STON2: variants seen among roughly 807,000 people sequenced by gnomAD.
STON2 encodes the protein stonin-2.
A neutral mutation model predicts 65.7 loss-of-function variants in STON2; 29 were observed. The ratio of observed to expected loss-of-function variants is 0.44; its 90% CI spans 0.33 to 0.60. The LOEUF is 0.60. STON2 is among the 20% of genes least tolerant of loss of function. The pLI is 0.03. For synonymous variants in STON2, 404 were observed against 414.2 expected, an observed-to-expected ratio of 0.98 and a Z score of 0.30; for missense variants, 1,054 against 1,118.1, an observed-to-expected ratio of 0.94 and a Z score of 0.82.
chr14:81,294,886 A>G (rs1430207027), intron 5 of STON2, among the ~76,000 whole-genome samples: 1 of 152,238 alleles, frequency 6.6e-6, no homozygotes, highest in Non-Finnish European at 1.5e-5. Flanking sequence ...ACATGCTTCT[A>G]AACATTCAAA....
intron 6 of STON2, among the ~76,000 whole-genome samples, chr14:81,273,636 G>C (rs1894687865): frequency 6.6e-6 from 1 of 152,136 alleles, no homozygotes; most frequent in Non-Finnish European, 1.5e-5. Flanking sequence ...GCCAGGCTGG[G>C]CTGGGCCCCG....
chr14:81,411,808 G>A (rs1309969453), intron 2 of STON2, among the ~76,000 whole-genome samples: 1 of 152,178 alleles, frequency 6.6e-6, no homozygotes, highest in Non-Finnish European at 1.5e-5. Context: ...GAGGGAAAAG[G>A]AAGTATGAAA....
rs79048575 is a variant in STON2 at position 81,414,262 on chromosome 14, G to A, written c.-199+12840C>T. ...AAGAGAGATGTCAACTAGGCACTTG[G>A]ACTTTTGAGTTTGAAGCTTGAGGCC... On this transcript the variant is annotated intron_variant, in intron 2 of 8. Coordinates refer to the STON2 transcript ENST00000553821. Among the ~76,000 whole-genome samples, 285 of 98,306 alleles carry A rather than the reference G, an allele frequency of 2.9e-3. 72 individuals are homozygous for A. The highest frequency in any genetic ancestry group is 0.016 in the African/African-American group (277 of 17,118). 64.5% of individuals were successfully genotyped at this position (98,306 alleles called of 152,430 possible).
At chr14:81,374,899 G>A (rs1566933234) in intron 3 of STON2, among the ~76,000 whole-genome samples, 1 of 152,014 alleles carries the variant, frequency 6.6e-6, no homozygotes, top group Non-Finnish European at 1.5e-5. Flanking sequence ...ATCTCAAGCA[G>A]GGTAACTAAA....
intron 7 of STON2, chr14:81,269,451 G>A (rs765227227): frequency 6.2e-5 from 61 of 985,282 alleles, no homozygotes; most frequent in African/African-American, 4.0e-4. Flanking sequence ...CATCTCAACC[G>A]AAATCTTTGA....
chr14:81,267,021 T>C lies in STON2; in HGVS notation c.*1393A>G, dbSNP rs1255792154. 3.0e-6 allele frequency: 3 copies of C among 985,356 alleles called. No individual in the cohort carries two copies. Among genetic ancestry groups the C allele is most frequent in the Admixed American group, 6.1e-5 (1 of 16,272 alleles). 61.0% of individuals were successfully genotyped at this position (985,356 alleles called of 1,614,324 possible). A position where few individuals can be genotyped will look rare whatever the true frequency, so the allele number is the denominator to read the frequency against. ...ACATTTAGACTCCAATGATTGTTCA[T>C]TGAATACATTAATCTTGAATCCATC... On this transcript the variant is annotated 3_prime_UTR_variant, in exon 8 of 8. Transcript: ENST00000614646.
intron 4 of STON2, among the ~76,000 whole-genome samples, chr14:81,349,930 C>A (rs927094792): frequency 3.0e-4 from 45 of 152,056 alleles, no homozygotes; most frequent in African/African-American, 1.1e-3. Context: ...TTTGCAGCAA[C>A]ATGGATGGAA....
At chr14:81,310,466 T>C (rs1896379081) in intron 5 of STON2, among the ~76,000 whole-genome samples, 1 of 152,142 alleles carries the variant, frequency 6.6e-6, no homozygotes, top group African/African-American at 2.4e-5. Context: ...CTCCTCCCCA[T>C]TCAATGTGGT....
At chr14:81,415,690 A>AT (rs60085634) in intron 2 of STON2, among the ~76,000 whole-genome samples, 7 of 146,390 alleles carry the variant, frequency 4.8e-5, no homozygotes, top group Non-Finnish European at 1.5e-5. Flanking sequence ...AAAAAAAAAA[A>AT]TCTATTGTAA....
At chr14:81,378,498 G>A (rs1024716392) in intron 3 of STON2, among the ~76,000 whole-genome samples, 18 of 152,344 alleles carry the variant, frequency 1.2e-4, no homozygotes, top group East Asian at 9.6e-4. Context: ...TTACAAGCAT[G>A]AGCCACTGTG....
chr14:81,368,690 C>A (rs1185411397), intron 4 of STON2, among the ~76,000 whole-genome samples: 1 of 152,118 alleles, frequency 6.6e-6, no homozygotes, highest in African/African-American at 2.4e-5. Flanking sequence ...CTCCATCCAG[C>A]CTGGGTGACA....
rs146828096 is a variant in STON2, at chr14:81,420,033, G to A, written c.-199+7069C>T. Among the ~76,000 whole-genome samples, 22 of 152,288 alleles carry A rather than the reference G, an allele frequency of 1.4e-4. No homozygotes were observed. The East Asian group carries it at 4.3e-3, about 29-fold the overall frequency. The stretch of plus-strand genomic sequence containing the variant: ...TGTCTCTTATTCCCCTTTGGTCAGA[G>A]TTCACACCATGTTGGCCCAACTCCC... On this transcript the variant is annotated intron_variant, in intron 2 of 8. Transcript: ENST00000553821.
intron 4 of STON2, among the ~76,000 whole-genome samples, chr14:81,344,938 C>A (rs1273129697): frequency 6.6e-6 from 1 of 152,116 alleles, no homozygotes; most frequent in Non-Finnish European, 1.5e-5. Context: ...ATAAACTAAT[C>A]CCTTGGCGAA....
At position 81,333,273 on chromosome 14, in the gene STON2, G is replaced by A. The variant is rs188307797; in HGVS notation, c.572-9086C>T. The A allele has an allele frequency of 1.3e-5, 9 of 709,772 alleles. No homozygotes were observed. The East Asian group carries it at 2.4e-4, about 19-fold the overall frequency. 44.0% of individuals were successfully genotyped at this position (709,772 alleles called of 1,614,324 possible). On this transcript the variant is annotated intron_variant, in intron 4 of 7. Transcript: ENST00000614646. ...TAGGTACGGTACTGTTGCCTTCCCG[G>A]GGTGAAGGACGTCAATGACCATTTG...
At chr14:81,347,630 A>AAC (rs1566920410) in intron 4 of STON2, among the ~76,000 whole-genome samples, 2 of 149,878 alleles carry the variant, frequency 1.3e-5, no homozygotes, top group Admixed American at 6.6e-5. Flanking sequence ...AAAAAAAAAA[A>AAC]AAAAAAACCC....
At chr14:81,355,621 T>C (rs1165736720) in intron 4 of STON2, among the ~76,000 whole-genome samples, 1 of 152,230 alleles carries the variant, frequency 6.6e-6, no homozygotes, top group Non-Finnish European at 1.5e-5. Flanking sequence ...CCAGTATGCC[T>C]ACCTTATAGG....
chr14:81,331,187 C>A (rs1216848675), intron 4 of STON2, among the ~76,000 whole-genome samples: 1 of 152,214 alleles, frequency 6.6e-6, no homozygotes, highest in African/African-American at 2.4e-5. Context: ...AAAAAACCAG[C>A]CTTTCTCAGT....
At chr14:81,416,891 G>T (rs1901463467) in intron 2 of STON2, among the ~76,000 whole-genome samples, 1 of 152,140 alleles carries the variant, frequency 6.6e-6, no homozygotes, top group African/African-American at 2.4e-5. Flanking sequence ...TCTATACCAA[G>T]AATAACAAGG....
intron 4 of STON2, among the ~76,000 whole-genome samples, chr14:81,328,131 C>T (rs903661011): frequency 6.6e-6 from 1 of 152,088 alleles, no homozygotes; most frequent in East Asian, 1.9e-4. Flanking sequence ...ATCGCTGTCT[C>T]CCCCATACCA....
Sources: allele counts gnomAD v4.1 joint callset (sites outside exome capture counted in the v4.1 genomes callset), GRCh38; gene constraint gnomAD v4.1.1; transcripts MANE v1.5; gene names NCBI Gene and HGNC (gene_info 2026-07-23, HGNC 2026-07-21).